EPHA6: variants seen among roughly 807,000 people sequenced by gnomAD.
EPHA6 encodes EPH receptor A6, also known as ephrin type-A receptor 6.
Under a neutral mutation model 112.0 loss-of-function variants are expected in EPHA6, and 50 were observed. The observed-to-expected ratio is 0.45, with a 90% CI of 0.36 to 0.56. The LOEUF (loss-of-function observed/expected upper bound fraction) is 0.56, where lower values mean the gene tolerates loss of function less well. Ranked by LOEUF, EPHA6 falls within the 20% of genes least tolerant of loss-of-function variation. The pLI is 0.00. For missense variants in EPHA6, 1,280 were observed against 1,417.4 expected (o/e 0.90, Z 1.56); for synonymous variants, 529 against 490.7 (o/e 1.08, Z -1.03).
At chr3:97,690,168 A>T (rs1294585387) in intron 14 of EPHA6, among the ~76,000 whole-genome samples, 1 of 152,242 alleles carries the variant, frequency 6.6e-6, no homozygotes, top group Non-Finnish European at 1.5e-5. Context: ...TTGCTGAGTC[A>T]TGGTGGAGTT....
chr3:97,001,050 A>G lies in EPHA6; in HGVS notation c.1114+13057A>G, dbSNP rs1188341795. On this transcript the variant is annotated intron_variant, in intron 3 of 17. Coordinates refer to ENST00000389672, the MANE Select transcript of EPHA6 (RefSeq NM_001080448.3). ...TATATATGCATGTGTGTTCGTATAT[A>G]TGTGTGTGTGTGTTTCATAAAACCA... 4.7e-5 allele frequency among the ~76,000 whole-genome samples: 7 copies of G among 149,586 alleles called. 1 individual carries two copies. Among genetic ancestry groups the G allele is most frequent in the Admixed American group, 3.3e-4 (5 of 14,982 alleles).
chr3:97,605,428 T>A (rs1309422061), intron 12 of EPHA6, among the ~76,000 whole-genome samples: 1 of 151,762 alleles, frequency 6.6e-6, no homozygotes, highest in African/African-American at 2.4e-5. Flanking sequence ...AATTTTTGTG[T>A]ATGGTGAAAA....
intron 14 of EPHA6, among the ~76,000 whole-genome samples, chr3:97,711,565 A>C (rs995347938): frequency 2.0e-5 from 3 of 152,046 alleles, no homozygotes; most frequent in Non-Finnish European, 4.4e-5. Flanking sequence ...GGCAGGGGAG[A>C]ACTTGTATAG....
At chr3:97,313,940 T>C (rs1333249639) in intron 5 of EPHA6, among the ~76,000 whole-genome samples, 1 of 151,606 alleles carries the variant, frequency 6.6e-6, no homozygotes, top group Non-Finnish European at 1.5e-5. Flanking sequence ...GGAGTCCTAT[T>C]CAAGAAATCA....
intron 3 of EPHA6, among the ~76,000 whole-genome samples, chr3:96,991,474 C>A (rs541771867): frequency 6.6e-6 from 1 of 152,266 alleles, no homozygotes; most frequent in South Asian, 2.1e-4. Context: ...CTATCCCAAG[C>A]TTTCCTGGAG....
intron 14 of EPHA6, among the ~76,000 whole-genome samples, chr3:97,644,808 C>T (rs1560224661): frequency 6.6e-6 from 1 of 151,818 alleles, no homozygotes; most frequent in Non-Finnish European, 1.5e-5. Flanking sequence ...AGTTTACCAA[C>T]CAAAAAGAGT....
intron 5 of EPHA6, among the ~76,000 whole-genome samples, chr3:97,333,427 G>A (rs1452471620): frequency 2.0e-5 from 3 of 148,346 alleles, no homozygotes. Context: ...TCTGCAACCA[G>A]AAAGAGTTTT....
chr3:97,288,003 G>T (rs1217130341), intron 5 of EPHA6, among the ~76,000 whole-genome samples: 1 of 151,742 alleles, frequency 6.6e-6, no homozygotes, highest in Non-Finnish European at 1.5e-5. Flanking sequence ...TTGTAAATGT[G>T]GTAGAATAAA....
chr3:96,827,012 C>T (rs1160933105), intron 1 of EPHA6, among the ~76,000 whole-genome samples: 2 of 152,082 alleles, frequency 1.3e-5, no homozygotes, highest in African/African-American at 4.8e-5. Context: ...TAAATTCAGT[C>T]ACCTAATATA....
intron 5 of EPHA6, among the ~76,000 whole-genome samples, chr3:97,270,562 A>G (rs1052802022): frequency 7.9e-5 from 12 of 152,334 alleles, no homozygotes; most frequent in South Asian, 6.2e-4. Flanking sequence ...AAAACAATAC[A>G]ATCTTCTGAG....
chr3:97,124,689 C>A lies in EPHA6; in HGVS notation c.1115-101575C>A, dbSNP rs939575268. ...CCACTCTTCCTTGTGTCTATCCCAT[C>A]CCAACCTCAGCAGAGCTTCTAGATA... On this transcript the variant is annotated intron_variant, in intron 3 of 17. Coordinates refer to ENST00000389672, the MANE Select transcript of EPHA6 (RefSeq NM_001080448.3). Among the ~76,000 whole-genome samples the A allele has an allele frequency of 3.2e-4, 48 of 152,088 alleles. 2 individuals are homozygous for A. Among genetic ancestry groups the A allele is most frequent in the Admixed American group, 3.1e-3 (48 of 15,256 alleles).
At chr3:96,851,839 A>G (rs1022456954) in intron 1 of EPHA6, among the ~76,000 whole-genome samples, 26 of 152,162 alleles carry the variant, frequency 1.7e-4, no homozygotes, top group Admixed American at 5.9e-4. Flanking sequence ...GGTGAGAAAA[A>G]AAAACGCTTG....
intron 5 of EPHA6, among the ~76,000 whole-genome samples, chr3:97,307,228 T>A (rs2081358064): frequency 6.6e-6 from 1 of 151,740 alleles, no homozygotes; most frequent in Non-Finnish European, 1.5e-5. Flanking sequence ...CCCACTCTTC[T>A]AGAGATAAGT....
rs56739936 is a variant in EPHA6 at position 97,259,346 on chromosome 3, C to CT, written c.1606+15068dup. On this transcript the variant is annotated intron_variant, in intron 5 of 17. Coordinates refer to ENST00000389672, the MANE Select transcript of EPHA6 (RefSeq NM_001080448.3). ...CACTCTCTGTCACTTTCAACCTTATCTTTTTTTTTGTTTGTTTACCATTTG... is the reference window on the plus strand; with the variant it reads ...CACTCTCTGTCACTTTCAACCTTATCTTTTTTTTTTGTTTGTTTACCATTTG... Among the ~76,000 whole-genome samples, 1,504 of 151,282 alleles carry CT rather than the reference C, an allele frequency of 9.9e-3. 20 individuals carry two copies. Among genetic ancestry groups the CT allele is most frequent in the African/African-American group, 0.033 (1,369 of 41,270 alleles).
chr3:97,583,460 A>C (rs2093459138), intron 11 of EPHA6, among the ~76,000 whole-genome samples: 2 of 151,478 alleles, frequency 1.3e-5, no homozygotes, highest in Admixed American at 6.6e-5. Flanking sequence ...AATGGTGTGA[A>C]CCCGGGAGGC....
rs2107939127 is a variant in EPHA6, at chr3:97,758,128, C to T, written c.*9427C>T. On this transcript the variant is annotated 3_prime_UTR_variant, in exon 18 of 18. Coordinates refer to ENST00000389672, the MANE Select transcript of EPHA6 (RefSeq NM_001080448.3). The stretch of plus-strand genomic sequence containing the variant: ...TGCTTATTCAGTTTGTAAAATCTTA[C>T]CAAGTAGGATACTTCAAACAAGAGT... Among the ~76,000 whole-genome samples the T allele has an allele frequency of 6.6e-6, 1 of 151,968 alleles. No homozygotes were observed. Among genetic ancestry groups the T allele is most frequent in the South Asian group, 2.1e-4 (1 of 4,816 alleles).
chr3:97,455,327 T>A (rs148132822), intron 7 of EPHA6, among the ~76,000 whole-genome samples: 1 of 152,136 alleles, frequency 6.6e-6, no homozygotes, highest in African/African-American at 2.4e-5. Flanking sequence ...TTGCAGAAGA[T>A]ACTATTATGC....
chr3:97,479,251 C>T (rs1451036427), intron 8 of EPHA6, 43 bp from the exon 9 acceptor site: 4 of 1,354,860 alleles, frequency 3.0e-6, no homozygotes, highest in Non-Finnish European at 4.0e-6. Flanking sequence ...TTGTATGCAT[C>T]ATACTTCTTA....
chr3:97,591,089 T>A (rs1462843294), intron 11 of EPHA6, among the ~76,000 whole-genome samples: 1 of 152,228 alleles, frequency 6.6e-6, no homozygotes, highest in Non-Finnish European at 1.5e-5. Context: ...CAGCTCTTCA[T>A]GACAGAACCC....
Sources: gnomAD v4.1 joint callset for allele counts (sites outside exome capture counted in the v4.1 genomes callset) on GRCh38, gnomAD v4.1.1 for gene constraint, MANE v1.5 for transcripts, NCBI Gene and HGNC (gene_info 2026-07-23, HGNC 2026-07-21) for gene names.